PICALM: variants seen among roughly 807,000 people sequenced by gnomAD.
PICALM encodes the protein phosphatidylinositol binding clathrin assembly protein.
A neutral mutation model predicts 80.5 loss-of-function variants in PICALM; 40 were observed. The observed-to-expected ratio is 0.50, with a 90% CI of 0.39 to 0.65. The LOEUF (loss-of-function observed/expected upper bound fraction) is 0.65, where lower values mean the gene tolerates loss of function less well. Ranked by LOEUF, PICALM falls within the 30% of genes least tolerant of loss-of-function variation. The pLI is 0.00. For synonymous variants in PICALM, 288 were observed against 260.3 expected (o/e 1.11, Z -1.02); for missense variants, 676 against 778.9 (o/e 0.87, Z 1.57).
chr11:86,056,605 AAC>A (rs2096273725), intron 1 of PICALM, among the ~76,000 whole-genome samples: 1 of 152,168 alleles, frequency 6.6e-6, no homozygotes, highest in Non-Finnish European at 1.5e-5. Context: ...TGATGTGGAA[AAC>A]AGTTTGGTAG....
At chr11:86,009,710 A>C (rs577790886) in intron 7 of PICALM, among the ~76,000 whole-genome samples, 16 of 152,080 alleles carry the variant, frequency 1.1e-4, no homozygotes, top group African/African-American at 2.2e-4. Flanking sequence ...AACAAACAAA[A>C]AAAACTTAAC....
intron 1 of PICALM, among the ~76,000 whole-genome samples, chr11:86,034,704 G>C (rs1032150466): frequency 6.6e-6 from 1 of 151,738 alleles, no homozygotes; most frequent in African/African-American, 2.4e-5. Context: ...CTCTGCTTTA[G>C]GTATGAGTGA....
rs2095119263 is a variant in PICALM, at chr11:86,000,779, C to T, written c.1018G>A (p.Glu340Lys). 6.2e-7 allele frequency: 1 copy of T among 1,612,042 alleles called. No homozygotes were observed. The highest frequency in any genetic ancestry group is 8.5e-7 in the Non-Finnish European group (1 of 1,179,706). ...TTTGCAAGTTCTTTTAGGCGCTGTTCCTGTTAAGAAAGGGAACTACCATAA... is the reference window on the plus strand; with the variant it reads ...TTTGCAAGTTCTTTTAGGCGCTGTTTCTGTTAAGAAAGGGAACTACCATAA... ...EEQARLKALK[E>K]QRLKELAKKP... Residue 340 changes from glutamate to lysine, a missense_variant and splice_region_variant, in exon 11 of 20, where the codon GAA becomes AAA. Physicochemically the swap from Glu to Lys is moderately conservative, Grantham distance 56. Coordinates refer to ENST00000393346, the MANE Select transcript of PICALM (RefSeq NM_007166.4).
At chr11:85,978,328 G>C (rs1404751906) in intron 17 of PICALM, 1 of 376,546 alleles carries the variant, frequency 2.7e-6, no homozygotes, top group East Asian at 4.5e-5. Context: ...ATAGTTTATT[G>C]ATTACAAGTA....
intron 1 of PICALM, among the ~76,000 whole-genome samples, chr11:86,067,774 C>T (rs2096466728): frequency 1.1e-5 from 1 of 94,642 alleles, no homozygotes; most frequent in Non-Finnish European, 2.3e-5. Context: ...GTTCCAGGAA[C>T]TGATAAGAGT....
intron 19 of PICALM, among the ~76,000 whole-genome samples, chr11:85,965,235 A>G (rs922323735): frequency 1.3e-5 from 2 of 152,176 alleles, no homozygotes; most frequent in African/African-American, 2.4e-5. Flanking sequence ...TCATGCACCA[A>G]GAAGGCCCTT....
chr11:86,007,545 T>A lies in PICALM; in HGVS notation c.804A>T (p.Ser268=). The part of the protein sequence containing the change: ...GIDRGDIPDL[S]QAPSSLLDAL... The stretch of plus-strand genomic sequence containing the variant: ...GGTATTTTAACAATAAACTTACCTG[T>A]GAAAGGTCTGGTATATCACCTCTGT... The change falls in exon 8 of 20, where the codon TCA becomes TCT. Residue 268 remains serine (S), a synonymous_variant. Coordinates refer to ENST00000393346, the MANE Select transcript of PICALM (RefSeq NM_007166.4). 1 of 1,508,492 alleles carries A rather than the reference T, an allele frequency of 6.6e-7. No individual in the cohort carries two copies. The highest frequency in any genetic ancestry group is 9.2e-7 in the Non-Finnish European group (1 of 1,089,636). 93.4% of individuals were successfully genotyped at this position (1,508,492 alleles called of 1,614,324 possible).
At chr11:85,966,484 T>TAC (rs2093903379) in intron 19 of PICALM, among the ~76,000 whole-genome samples, 1 of 152,214 alleles carries the variant, frequency 6.6e-6, no homozygotes, top group South Asian at 2.1e-4. Flanking sequence ...ATTTGATCCT[T>TAC]ACAGCAAAAT....
At chr11:86,057,948 A>G (rs745862528) in intron 1 of PICALM, among the ~76,000 whole-genome samples, 4 of 152,168 alleles carry the variant, frequency 2.6e-5, no homozygotes, top group Non-Finnish European at 5.9e-5. Flanking sequence ...GCATATATTT[A>G]TCACCTCACC....
chr11:85,985,342 T>C (rs966177246), intron 13 of PICALM, among the ~76,000 whole-genome samples: 1 of 151,970 alleles, frequency 6.6e-6, no homozygotes, highest in Admixed American at 6.5e-5. Flanking sequence ...CAAAGAACCA[T>C]ACAAGCTGAT....
At position 85,958,346 on chromosome 11, in the gene PICALM, A is replaced by G. The variant is rs2093583507; in HGVS notation, c.*700T>C. On this transcript the variant is annotated 3_prime_UTR_variant, in exon 20 of 20. Coordinates refer to ENST00000393346, the MANE Select transcript of PICALM (RefSeq NM_007166.4). The stretch of plus-strand genomic sequence containing the variant: ...GATTCAGACCTATGGACTTGCCTTA[A>G]AATATTTAGTGCTCTGTATGTCAGC... The G allele has an allele frequency of 9.3e-6, 2 of 214,040 alleles. No homozygotes were observed. Among genetic ancestry groups the G allele is most frequent in the Non-Finnish European group, 1.9e-5 (2 of 105,656 alleles). The allele number at this position is 214,040 out of a possible 1,614,324, so 13.3% of individuals were successfully genotyped here.
chr11:86,060,399 T>A lies in PICALM; in HGVS notation c.130+8252A>T, dbSNP rs11824210. On this transcript the variant is annotated intron_variant, in intron 1 of 19. Coordinates refer to ENST00000393346, the MANE Select transcript of PICALM (RefSeq NM_007166.4). ...TAGAAGAGTGGCACTGTTTCACATT[T>A]TGGCAAAACTCTATTTTGTGGTTTA... Among the ~76,000 whole-genome samples the A allele has an allele frequency of 3.7e-3, 566 of 152,322 alleles. 4 individuals carry two copies. Among genetic ancestry groups the A allele is most frequent in the African/African-American group, 0.013 (543 of 41,578 alleles).
intron 19 of PICALM, among the ~76,000 whole-genome samples, chr11:85,971,460 G>T (rs983010867): frequency 2.0e-5 from 3 of 150,944 alleles, no homozygotes; most frequent in African/African-American, 7.3e-5. Context: ...TGCTGGGTGG[G>T]TACGGTGGCT....
At chr11:85,986,405 A>C (rs2094574053) in intron 13 of PICALM, among the ~76,000 whole-genome samples, 1 of 61,610 alleles carries the variant, frequency 1.6e-5, no homozygotes, top group South Asian at 6.6e-4. Flanking sequence ...TTTTTTTGAG[A>C]CGGAGTCTCG....
chr11:86,009,668 G>C (rs1292548083), intron 7 of PICALM, among the ~76,000 whole-genome samples: 6 of 152,162 alleles, frequency 3.9e-5, no homozygotes, highest in Admixed American at 3.9e-4. Context: ...CTCCAGCCTA[G>C]GGGACAAGAG....
At chr11:86,000,999 C>T in intron 10 of PICALM, 36 bp downstream of exon 10, 1 of 1,610,676 alleles carries the variant, frequency 6.2e-7, no homozygotes, top group Non-Finnish European at 8.5e-7. Flanking sequence ...AACACCTGTA[C>T]TCATTTTTCG....
chr11:85,990,008 C>CAA (rs5793177), intron 13 of PICALM, among the ~76,000 whole-genome samples: 13,576 of 89,094 alleles, frequency 0.15, 1,287 homozygotes, highest in Admixed American at 0.18. Flanking sequence ...AACCAAACAC[C>CAA]AAAAAAAAAA....
chr11:86,068,581 A>C, intron 1 of PICALM, 70 bp downstream of exon 1: 1 of 1,450,252 alleles, frequency 6.9e-7, no homozygotes, highest in East Asian at 2.4e-5. Context: ...GAAAGACAAG[A>C]GAGAGAGAGA....
intron 1 of PICALM, among the ~76,000 whole-genome samples, chr11:86,033,129 C>A (rs550983368): frequency 2.0e-5 from 3 of 152,312 alleles, no homozygotes; most frequent in South Asian, 4.1e-4. Context: ...GGAATTTAAT[C>A]TCTGCCTTCT....
Sources: allele counts gnomAD v4.1 joint callset (sites outside exome capture counted in the v4.1 genomes callset), GRCh38; gene constraint gnomAD v4.1.1; transcripts MANE v1.5; gene names NCBI Gene and HGNC (gene_info 2026-07-23, HGNC 2026-07-21).